The following DISP3 variants were observed in gnomAD, a reference collection of about 807,000 sequenced individuals.
DISP3 encodes the protein protein dispatched homolog 3.
Under a neutral mutation model 135.3 loss-of-function variants are expected in DISP3, and 101 were observed. The observed-to-expected ratio is 0.75, with a 90% CI of 0.64 to 0.88. The LOEUF (loss-of-function observed/expected upper bound fraction) is 0.88, where lower values mean the gene tolerates loss of function less well. DISP3 is among the 40% of genes least tolerant of loss of function. The pLI, the probability that DISP3 is intolerant of heterozygous loss-of-function variation, is 0.00. For synonymous variants in DISP3, 856 were observed against 817.0 expected (o/e 1.05, Z -0.81); for missense variants, 1,713 against 1,878.6 (o/e 0.91, Z 1.63).
rs1330902265 is a variant in DISP3 at position 11,516,649 on chromosome 1, C to CT, written c.1749+489dup. Among the ~76,000 whole-genome samples, 4 of 152,324 alleles carry CT rather than the reference C, an allele frequency of 2.6e-5. No homozygotes were observed. Among genetic ancestry groups the CT allele is most frequent in the Admixed American group, 2.6e-4 (4 of 15,298 alleles). ...TTGTGCTGACTTCCTCTTGCTGCCT[C>CT]TGAGTGGGGCTTAGGAGAAGGCATT... On this transcript the variant is annotated intron_variant, in intron 6 of 20. Coordinates refer to ENST00000294484, the MANE Select transcript of DISP3 (RefSeq NM_020780.2). The surrounding 1 kb of genome is among the most constrained non-coding windows in gnomAD (Gnocchi z 5.1).
intron 3 of DISP3, among the ~76,000 whole-genome samples, chr1:11,509,190 C>A (rs772239938): frequency 2.0e-5 from 3 of 151,642 alleles, no homozygotes; most frequent in Non-Finnish European, 4.4e-5. Flanking sequence ...ATTTAGTTTT[C>A]GAATATTTGG....
At position 11,483,166 on chromosome 1, in the gene DISP3, G is replaced by C. The variant is rs1008639924; in HGVS notation, c.-4+3794G>C. Among the ~76,000 whole-genome samples, 11 of 152,198 alleles carry C rather than the reference G, an allele frequency of 7.2e-5. No homozygotes were observed. Among genetic ancestry groups the C allele is most frequent in the Non-Finnish European group, 1.2e-4 (8 of 68,036 alleles). ...CTGGCCGCTGGGAGACCAGACAGCC[G>C]CACTCCACTCTGCACCAGCTGGAAG... On this transcript the variant is annotated intron_variant, in intron 1 of 20. Coordinates refer to ENST00000294484, the MANE Select transcript of DISP3 (RefSeq NM_020780.2). This position sits in a 1 kb window ranked among gnomAD's most constrained non-coding sequence, Gnocchi z 5.4.
chr1:11,529,536 A>C lies in DISP3; in HGVS notation c.2799-20A>C. ...CTCCTAGCCTTTCCGGCCTCAGCCC[A>C]GCCTCCATTCCCTCCACAGGAAGCT... On this transcript the variant is annotated intron_variant, in intron 13 of 20. Transcript: ENST00000294484. This position sits in a 1 kb window ranked among gnomAD's most constrained non-coding sequence, Gnocchi z 4.7. 1.9e-6 allele frequency: 3 copies of C among 1,540,322 alleles called. No individual in the cohort carries two copies. The highest frequency in any genetic ancestry group is 2.6e-6 in the Non-Finnish European group (3 of 1,140,868).
In DISP3 at chr1:11,501,965, CTGCCG is replaced by C. The variant is rs1413632783; in HGVS notation, c.974_978del (p.Leu325ProfsTer29). ...GAAGCCCCACGAGGTGCTCAAGGAT[CTGCCG>C]CTGGGCTCCTACTCCTACTGCTCGC... is the stretch of plus-strand genomic sequence containing the variant. On this transcript the variant is annotated frameshift_variant, in exon 2 of 21. Transcript: ENST00000294484. LOFTEE classifies it high-confidence loss of function. The surrounding 1 kb of genome is among the most constrained non-coding windows in gnomAD (Gnocchi z 4.9). The C allele has an allele frequency of 1.2e-6, 2 of 1,613,914 alleles. No homozygotes were observed.
At chr1:11,526,537 G>A (rs1253270701) in intron 12 of DISP3, 114 bp from the exon 13 acceptor site, 11 of 1,249,764 alleles carry the variant, frequency 8.8e-6, no homozygotes, top group Admixed American at 8.0e-5. Context: ...CCAACTCCGA[G>A]GACTGGGACA....
chr1:11,479,581 C>T (rs76452301), intron 1 of DISP3, among the ~76,000 whole-genome samples: 2,303 of 152,344 alleles, frequency 0.015, 57 homozygotes, highest in African/African-American at 0.052. Context: ...CCAAGCTTGC[C>T]CTCTACGACC....
intron 13 of DISP3, among the ~76,000 whole-genome samples, chr1:11,528,887 G>A (rs555034258): frequency 2.0e-5 from 3 of 152,234 alleles, no homozygotes; most frequent in Non-Finnish European, 4.4e-5. Context: ...GCAGCTTGGA[G>A]GCCAGGGAAT....
At chr1:11,500,721 C>A (rs1157501123) in intron 1 of DISP3, among the ~76,000 whole-genome samples, 1 of 152,084 alleles carries the variant, frequency 6.6e-6, no homozygotes, top group Non-Finnish European at 1.5e-5. Flanking sequence ...TTTCTGTTTG[C>A]AATTGTTCTG....
chr1:11,531,186 C>T lies in DISP3; in HGVS notation c.3229+153C>T, dbSNP rs1461990708. On this transcript the variant is annotated intron_variant, in intron 16 of 20. Coordinates refer to ENST00000294484, the MANE Select transcript of DISP3 (RefSeq NM_020780.2). The surrounding 1 kb of genome is among the most constrained non-coding windows in gnomAD (Gnocchi z 5.2). ...GTATCTGTGCTGAGCATGTCCACAC[C>T]AGGGTGGGGTGTGTGCCGGCAGTCG... 6.6e-6 allele frequency among the ~76,000 whole-genome samples: 1 copy of T among 152,108 alleles called. No homozygotes were observed. Among genetic ancestry groups the T allele is most frequent in the Non-Finnish European group, 1.5e-5 (1 of 68,020 alleles).
chr1:11,535,182 C>A, intron 19 of DISP3, 58 bp downstream of exon 19: 1 of 1,480,456 alleles, frequency 6.8e-7, no homozygotes, highest in South Asian at 1.2e-5. Context: ...CAGACAGTCT[C>A]CCCGGTGGCC....
intron 12 of DISP3, among the ~76,000 whole-genome samples, chr1:11,526,020 C>T (rs1242058644): frequency 1.3e-5 from 2 of 152,102 alleles, no homozygotes; most frequent in African/African-American, 4.8e-5. Flanking sequence ...TCTGTGTAGC[C>T]CAGGCTCATT....
chr1:11,491,266 G>A lies in DISP3; in HGVS notation c.-3-9724G>A, dbSNP rs984552779. On this transcript the variant is annotated intron_variant, in intron 1 of 20. Transcript: ENST00000294484. The surrounding 1 kb of genome is among the most constrained non-coding windows in gnomAD (Gnocchi z 4.3). ...AGGGCAGCAGGGGTTTTCCAAGAATGCTTCTGGACCGCCTGTATCAGAATC... is the reference window on the plus strand; with the variant it reads ...AGGGCAGCAGGGGTTTTCCAAGAATACTTCTGGACCGCCTGTATCAGAATC... Among the ~76,000 whole-genome samples the A allele has an allele frequency of 6.6e-6, 1 of 152,144 alleles. No individual in the cohort carries two copies. The highest frequency in any genetic ancestry group is 1.5e-5 in the Non-Finnish European group (1 of 68,022).
At chr1:11,517,912 G>T (rs1411506649) in intron 7 of DISP3, among the ~76,000 whole-genome samples, 2 of 152,270 alleles carry the variant, frequency 1.3e-5, no homozygotes, top group Non-Finnish European at 2.9e-5. Flanking sequence ...GGGAGGTTGG[G>T]CAGCTTTTTC....
chr1:11,515,877 A>G, intron 5 of DISP3, 124 bp from the exon 6 acceptor site: 1 of 1,153,702 alleles, frequency 8.7e-7, no homozygotes, highest in Non-Finnish European at 1.2e-6. Flanking sequence ...CTGTAAGCTC[A>G]GAAGCAGGAC....
rs1331375801 is a variant in DISP3, at chr1:11,516,730, G to A, written c.1749+569G>A. On this transcript the variant is annotated intron_variant, in intron 6 of 20. Coordinates refer to ENST00000294484, the MANE Select transcript of DISP3 (RefSeq NM_020780.2). This position sits in a 1 kb window ranked among gnomAD's most constrained non-coding sequence, Gnocchi z 5.1. The stretch of plus-strand genomic sequence containing the variant: ...ACAGTGAATTGGCCCAAGTCTTTGA[G>A]AAACTTTACGACCTGGGCTGAGTAG... Among the ~76,000 whole-genome samples the A allele has an allele frequency of 6.6e-6, 1 of 152,226 alleles. No homozygotes were observed. Among genetic ancestry groups the A allele is most frequent in the East Asian group, 1.9e-4 (1 of 5,202 alleles).
intron 3 of DISP3, among the ~76,000 whole-genome samples, chr1:11,505,477 C>T (rs1298112705): frequency 6.6e-6 from 1 of 152,208 alleles, no homozygotes; most frequent in Non-Finnish European, 1.5e-5. Flanking sequence ...TGAGACAAAT[C>T]CCTTGCCCTT....
intron 1 of DISP3, among the ~76,000 whole-genome samples, chr1:11,490,461 G>A (rs1453591646): frequency 6.6e-6 from 1 of 152,108 alleles, no homozygotes. Flanking sequence ...TAGAAACGGG[G>A]TTTCATCATG....
chr1:11,513,819 TTGTTTCA>T (rs1183349845), intron 3 of DISP3, among the ~76,000 whole-genome samples: 1 of 152,224 alleles, frequency 6.6e-6, no homozygotes, highest in East Asian at 1.9e-4. Context: ...CTTGGTTGCC[TTGTTTCA>T]TACATTTTTG....
In DISP3 at chr1:11,525,259, C is replaced by T. The variant is rs909411809; in HGVS notation, c.2560C>T (p.Pro854Ser). ...CAGGCTCTCCCTCAATGCCAGCCTG[C>T]CTGCTCCTTGGCAGGCTGTGTCGCC... ...VYRLSLNASLPAPWQAVSPGD... is the reference protein window; with the variant it reads ...VYRLSLNASLSAPWQAVSPGD... The change falls in exon 12 of 21, where the codon CCT becomes TCT. Residue 854 changes from proline to serine, a missense_variant. Physicochemically the swap from Pro to Ser is moderately conservative, Grantham distance 74. This residue lies in a region of DISP3 where 1,142 missense variants were observed against 1,384.6 expected (regional missense o/e 0.82). Transcript: ENST00000294484. 1 of 1,613,940 alleles carries T rather than the reference C, an allele frequency of 6.2e-7. No individual in the cohort carries two copies. Among genetic ancestry groups the T allele is most frequent in the African/African-American group, 1.3e-5 (1 of 74,934 alleles).
Sources: allele counts gnomAD v4.1 joint callset (sites outside exome capture counted in the v4.1 genomes callset), GRCh38; gene constraint gnomAD v4.1.1; regional missense constraint gnomAD v4.1.1; non-coding constraint Gnocchi (gnomAD v3.1); transcripts MANE v1.5; gene names NCBI Gene and HGNC (gene_info 2026-07-23, HGNC 2026-07-21).